The following KLRF1 variants were observed in gnomAD, a reference collection of about 807,000 sequenced individuals.
KLRF1 encodes killer cell lectin like receptor F1, also known as killer cell lectin-like receptor subfamily F member 1.
Under a neutral mutation model 30.7 loss-of-function variants are expected in KLRF1, and 27 were observed. The ratio of observed to expected loss-of-function variants is 0.88; its 90% CI spans 0.65 to 1.21. The LOEUF (loss-of-function observed/expected upper bound fraction) is 1.21, where lower values mean the gene tolerates loss of function less well. Among genes scored for constraint, KLRF1 ranks in the 50% most tolerant of loss-of-function variants. KLRF1 has a pLI of 0.00. For missense variants in KLRF1, 246 were observed against 259.3 expected (o/e 0.95, Z 0.35); for synonymous variants, 92 against 89.3 (o/e 1.03, Z -0.17).
chr12:9,841,217 A>C (rs1287452401), intron 3 of KLRF1, among the ~76,000 whole-genome samples: 5 of 152,178 alleles, frequency 3.3e-5, no homozygotes, highest in African/African-American at 1.2e-4. Flanking sequence ...AGGAACAGAA[A>C]GCCAAACATT....
At chr12:9,809,383 CTCTT>C in the KLRF1 span, among the ~76,000 whole-genome samples, 1 of 152,120 alleles carries the variant, frequency 6.6e-6, no homozygotes, top group African/African-American at 2.4e-5. Flanking sequence ...TCTTAACTTT[CTCTT>C]AGTTTTCCTC....
At position 9,833,346 on chromosome 12, in the gene KLRF1, A is replaced by G; in HGVS notation, c.228A>G (p.Ser76=). The change falls in exon 3 of 6, where the codon TCA becomes TCG. Residue 76 remains serine, a synonymous_variant. Coordinates refer to ENST00000617889, the MANE Select transcript of KLRF1 (RefSeq NM_016523.3). ...TAAAATGCCAAAAAGGAAGTTGTTC[A>G]AATGCCACTCAGTATGAGGACACTG... is the stretch of plus-strand genomic sequence containing the variant. ...VLLKCQKGSC[S]NATQYEDTGD... The G allele has an allele frequency of 6.2e-7, 1 of 1,607,488 alleles. No homozygotes were observed. Among genetic ancestry groups the G allele is most frequent in the South Asian group, 1.1e-5 (1 of 89,724 alleles).
At chr12:9,835,740 C>G (rs754606986) in intron 3 of KLRF1, among the ~76,000 whole-genome samples, 2 of 152,014 alleles carry the variant, frequency 1.3e-5, no homozygotes, top group South Asian at 4.2e-4. Context: ...TAGGGGAATT[C>G]CAGTGGGTCT....
chr12:9,843,849 C>T (rs1256765982), intron 5 of KLRF1, among the ~76,000 whole-genome samples: 1 of 152,100 alleles, frequency 6.6e-6, no homozygotes, highest in Admixed American at 6.6e-5. Context: ...ACTTTTTCCA[C>T]AGGTCAAACA....
At chr12:9,840,977 C>T (rs1867688770) in intron 3 of KLRF1, among the ~76,000 whole-genome samples, 1 of 152,100 alleles carries the variant, frequency 6.6e-6, no homozygotes, top group South Asian at 2.1e-4. Flanking sequence ...GTAAATCATT[C>T]TATTATAAAG....
In KLRF1 at chr12:9,833,510, AAGT is replaced by A; in HGVS notation, c.334+60_334+62del. ...TAATCTTTTGGACTCTCTAAATGTG[AAGT>A]ATTTTTGAACAGGTATGCAATAGAT... On this transcript the variant is annotated intron_variant, in intron 3 of 5. Transcript: ENST00000617889. 7 of 1,436,388 alleles carry A rather than the reference AAGT, an allele frequency of 4.9e-6. 1 individual carries two copies. The South Asian group carries it at 1.1e-4, about 23-fold the overall frequency. 89.0% of individuals were successfully genotyped at this position (1,436,388 alleles called of 1,614,324 possible). A position where few individuals can be genotyped will look rare whatever the true frequency, so the allele number is the denominator to read the frequency against.
chr12:9,809,793 A>C, the KLRF1 span, among the ~76,000 whole-genome samples: 2 of 152,080 alleles, frequency 1.3e-5, no homozygotes, highest in African/African-American at 4.8e-5. Flanking sequence ...CACTTTCAAA[A>C]GTTGTTATTC....
chr12:9,818,777 C>T, the KLRF1 span, among the ~76,000 whole-genome samples: 1 of 152,220 alleles, frequency 6.6e-6, no homozygotes, highest in South Asian at 2.1e-4. Context: ...AAAAAATTGT[C>T]AGTATTTTTT....
At chr12:9,821,326 G>C in the KLRF1 span, among the ~76,000 whole-genome samples, 1 of 152,050 alleles carries the variant, frequency 6.6e-6, no homozygotes, top group African/African-American at 2.4e-5. Context: ...AAGCCCATCT[G>C]CCACTGCCTC....
At chr12:9,800,936 C>G in the KLRF1 span, among the ~76,000 whole-genome samples, 1 of 151,834 alleles carries the variant, frequency 6.6e-6, no homozygotes, top group South Asian at 2.1e-4. Flanking sequence ...ACCTATCAAC[C>G]CACTATCTAG....
chr12:9,817,331 C>A, the KLRF1 span: 1 of 251,702 alleles, frequency 4.0e-6, no homozygotes, highest in South Asian at 4.3e-5. Context: ...AGAATTCTGC[C>A]TTGCTTTGTA....
At chr12:9,844,184 T>A (rs955304312) in intron 5 of KLRF1, among the ~76,000 whole-genome samples, 7 of 152,130 alleles carry the variant, frequency 4.6e-5, no homozygotes. Flanking sequence ...AGAATGGGAA[T>A]GTGGAGGGAA....
intron 5 of KLRF1, among the ~76,000 whole-genome samples, chr12:9,843,744 G>A (rs765181863): frequency 9.2e-5 from 14 of 152,090 alleles, no homozygotes; most frequent in Non-Finnish European, 1.9e-4. Flanking sequence ...CTCGGACAAA[G>A]TGTATTTTCT....
the KLRF1 span, among the ~76,000 whole-genome samples, chr12:9,809,174 A>G: frequency 0.045 from 6,822 of 152,180 alleles, 313 homozygotes; most frequent in African/African-American, 0.12. Context: ...ACAAGATGGG[A>G]AGAATTGCCT....
At chr12:9,806,960 G>A in the KLRF1 span, among the ~76,000 whole-genome samples, 60 of 152,194 alleles carry the variant, frequency 3.9e-4, 1 homozygote, top group South Asian at 2.7e-3. Flanking sequence ...CAGATTACAA[G>A]TATGAGCTAC....
the KLRF1 span, chr12:9,817,210 A>G: frequency 5.5e-6 from 1 of 183,074 alleles, no homozygotes; most frequent in South Asian, 1.0e-4. Context: ...TTCTAATATT[A>G]CTTAACAGTA....
chr12:9,827,516 G>A lies in KLRF1; in HGVS notation c.-29G>A. ...ATACTTAATAAAACAAAACATACCTGTATACACACACATTCACTCACATTG... is the reference window on the plus strand; with the variant it reads ...ATACTTAATAAAACAAAACATACCTATATACACACACATTCACTCACATTG... On this transcript the variant is annotated 5_prime_UTR_variant, in exon 1 of 6. Coordinates refer to ENST00000617889, the MANE Select transcript of KLRF1 (RefSeq NM_016523.3). 7.7e-7 allele frequency: 1 copy of A among 1,297,534 alleles called. No individual in the cohort carries two copies. Among genetic ancestry groups the A allele is most frequent in the Non-Finnish European group, 1.1e-6 (1 of 901,876 alleles). 80.4% of individuals were successfully genotyped at this position (1,297,534 alleles called of 1,614,324 possible). A position where few individuals can be genotyped will look rare whatever the true frequency, so the allele number is the denominator to read the frequency against.
chr12:9,830,223 G>A (rs1867381738), intron 1 of KLRF1, among the ~76,000 whole-genome samples: 4 of 152,040 alleles, frequency 2.6e-5, no homozygotes, highest in Non-Finnish European at 5.9e-5. Context: ...TTTCACAGTG[G>A]TTACTGGATT....
At chr12:9,812,636 G>C in the KLRF1 span, among the ~76,000 whole-genome samples, 1 of 152,174 alleles carries the variant, frequency 6.6e-6, no homozygotes. Context: ...CTATCTATCA[G>C]ATTCTGGTTT....
Sources: allele counts gnomAD v4.1 joint callset (sites outside exome capture counted in the v4.1 genomes callset), GRCh38; gene constraint gnomAD v4.1.1; transcripts MANE v1.5; gene names NCBI Gene and HGNC (gene_info 2026-07-23, HGNC 2026-07-21).